The following FGF12 variants were observed in gnomAD, a reference collection of about 807,000 sequenced individuals.
FGF12 encodes fibroblast growth factor 12B.
FGF12 carries 14 observed loss-of-function variants against 23.6 expected under a neutral mutation model. The observed-to-expected ratio is 0.59, with a 90% CI of 0.39 to 0.93. The LOEUF is 0.93. FGF12 is among the 40% of genes least tolerant of loss of function. The pLI, the probability that FGF12 is intolerant of heterozygous loss-of-function variation, is 0.00. For synonymous variants in FGF12, 62 were observed against 77.3 expected, an observed-to-expected ratio of 0.80 and a Z score of 1.04; for missense variants, 175 against 217.8, an observed-to-expected ratio of 0.80 and a Z score of 1.24.
At chr3:192,599,254 T>C (rs375265794) in intron 2 of FGF12, among the ~76,000 whole-genome samples, 3 of 98,348 alleles carry the variant, frequency 3.1e-5, no homozygotes, top group Non-Finnish European at 6.3e-5. Context: ...GAACTTGAAG[T>C]ATAATAATAA....
chr3:192,229,196 C>T (rs144120924), intron 4 of FGF12, among the ~76,000 whole-genome samples: 2 of 151,672 alleles, frequency 1.3e-5, no homozygotes, highest in East Asian at 3.9e-4. Context: ...TCTTGGAGGG[C>T]TATGCACACA....
intron 2 of FGF12, among the ~76,000 whole-genome samples, chr3:192,389,989 G>A (rs867626073): frequency 1.3e-5 from 2 of 152,172 alleles, no homozygotes; most frequent in Non-Finnish European, 2.9e-5. Context: ...TGTCCTGTAG[G>A]CTGACTCATA....
intron 4 of FGF12, among the ~76,000 whole-genome samples, chr3:192,246,022 G>A (rs957550919): frequency 2.0e-5 from 3 of 152,098 alleles, no homozygotes; most frequent in East Asian, 1.9e-4. Flanking sequence ...TTCCTAGTTC[G>A]TTGATATCTC....
At chr3:192,548,999 A>G (rs1469614470) in intron 2 of FGF12, among the ~76,000 whole-genome samples, 5 of 152,180 alleles carry the variant, frequency 3.3e-5, no homozygotes, top group Non-Finnish European at 7.4e-5. Context: ...TCACTTCTCT[A>G]TTATAAACCA....
intron 3 of FGF12, among the ~76,000 whole-genome samples, chr3:192,357,293 C>T (rs2108729277): frequency 6.6e-6 from 1 of 152,080 alleles, no homozygotes; most frequent in Middle Eastern, 3.4e-3. Flanking sequence ...ACCATCCTGG[C>T]CAACATGGTG....
chr3:192,484,622 TAGG>T (rs1161820589), intron 2 of FGF12, among the ~76,000 whole-genome samples: 1 of 152,178 alleles, frequency 6.6e-6, no homozygotes, highest in Non-Finnish European at 1.5e-5. Context: ...AGAGGTAGTA[TAGG>T]AGAAGAGCAG....
intron 4 of FGF12, among the ~76,000 whole-genome samples, chr3:192,254,225 A>G (rs1283274616): frequency 6.6e-6 from 1 of 151,824 alleles, no homozygotes; most frequent in Non-Finnish European, 1.5e-5. Context: ...CTCTGCGTCT[A>G]TGAATTCAAA....
intron 4 of FGF12, among the ~76,000 whole-genome samples, chr3:192,230,184 T>A (rs1327875321): frequency 6.6e-6 from 1 of 152,142 alleles, no homozygotes; most frequent in Admixed American, 6.6e-5. Context: ...TGGAAAGCAG[T>A]AATTTCACTA....
intron 2 of FGF12, among the ~76,000 whole-genome samples, chr3:192,556,648 G>A (rs1422061912): frequency 6.6e-6 from 1 of 152,102 alleles, no homozygotes; most frequent in African/African-American, 2.4e-5. Flanking sequence ...TAGGAGCTGA[G>A]CAATTCTATT....
At chr3:192,470,505 C>T (rs904510662) in intron 2 of FGF12, among the ~76,000 whole-genome samples, 59 of 152,136 alleles carry the variant, frequency 3.9e-4, no homozygotes, top group African/African-American at 1.4e-3. Flanking sequence ...TCTCCTGCCT[C>T]GGCCCCCCGA....
At chr3:192,422,186 C>T (rs1190712482) in intron 2 of FGF12, among the ~76,000 whole-genome samples, 1 of 152,002 alleles carries the variant, frequency 6.6e-6, no homozygotes, top group Non-Finnish European at 1.5e-5. Context: ...AGAGGAAATA[C>T]ATTCTAATGG....
intron 2 of FGF12, among the ~76,000 whole-genome samples, chr3:192,579,519 A>C (rs1713046141): frequency 6.6e-6 from 1 of 152,170 alleles, no homozygotes; most frequent in Non-Finnish European, 1.5e-5. Context: ...CAGGACACAC[A>C]AGCACTGTTT....
At chr3:192,609,252 T>C (rs1714459344) in intron 2 of FGF12, among the ~76,000 whole-genome samples, 1 of 152,118 alleles carries the variant, frequency 6.6e-6, no homozygotes, top group African/African-American at 2.4e-5. Context: ...ACCTTGACCA[T>C]ACTTGATCAG....
chr3:192,587,810 A>G (rs1174867452), intron 2 of FGF12, among the ~76,000 whole-genome samples: 2 of 151,688 alleles, frequency 1.3e-5, no homozygotes, highest in Non-Finnish European at 2.9e-5. Flanking sequence ...ACACAGGGAG[A>G]CCCTCTTTCT....
intron 4 of FGF12, among the ~76,000 whole-genome samples, chr3:192,327,179 C>T (rs1019672813): frequency 7.2e-5 from 11 of 152,078 alleles, no homozygotes; most frequent in African/African-American, 2.2e-4. Context: ...CACAGAGTTG[C>T]GGTGAAATTA....
At chr3:192,165,306 T>C (rs1715101894) in intron 5 of FGF12, among the ~76,000 whole-genome samples, 3 of 121,386 alleles carry the variant, frequency 2.5e-5, no homozygotes, top group Non-Finnish European at 4.9e-5. Flanking sequence ...ATCCTATCCC[T>C]TCATTAAAAA....
chr3:192,670,262 T>A (rs1717061031), intron 2 of FGF12, among the ~76,000 whole-genome samples: 1 of 152,176 alleles, frequency 6.6e-6, no homozygotes, highest in Non-Finnish European at 1.5e-5. Context: ...AAAAATATAG[T>A]TATTTTAATA....
chr3:192,669,210 G>GA, intron 2 of FGF12, among the ~76,000 whole-genome samples: 1 of 152,198 alleles, frequency 6.6e-6, no homozygotes, highest in Non-Finnish European at 1.5e-5. Flanking sequence ...TGCAAAACAT[G>GA]AAAAAATAGA....
chr3:192,501,983 C>G (rs1179095314), intron 2 of FGF12, among the ~76,000 whole-genome samples: 1 of 152,184 alleles, frequency 6.6e-6, no homozygotes, highest in Non-Finnish European at 1.5e-5. Context: ...CTAAAACATT[C>G]AACTCTTCAA....
Sources: gnomAD v4.1 joint callset for allele counts (sites outside exome capture counted in the v4.1 genomes callset) on GRCh38, gnomAD v4.1.1 for gene constraint, MANE v1.5 for transcripts, NCBI Gene and HGNC (gene_info 2026-07-23, HGNC 2026-07-21) for gene names.